Variants in CDYL observed in about 807,000 individuals in gnomAD.
The protein encoded by CDYL is chromodomain Y like.
Under a neutral mutation model 47.3 loss-of-function variants are expected in CDYL, and 8 were observed. The observed-to-expected ratio is 0.17, with a 90% CI of 0.10 to 0.31. The LOEUF is 0.31. Ranked by LOEUF, CDYL falls within the 10% of genes least tolerant of loss-of-function variation. The pLI is 1.00. For synonymous variants in CDYL, 266 were observed against 265.0 expected, an observed-to-expected ratio of 1.00 and a Z score of -0.04; for missense variants, 471 against 701.4, an observed-to-expected ratio of 0.67 and a Z score of 3.71.
At chr6:4,875,577 G>T (rs1207941660) in intron 1 of CDYL, among the ~76,000 whole-genome samples, 1 of 152,026 alleles carries the variant, frequency 6.6e-6, no homozygotes. Context: ...CTCACTTTCA[G>T]TTTACAACTA....
At chr6:4,733,337 A>T (rs955235220) in intron 2 of CDYL, 2 of 152,184 alleles carry the variant, frequency 1.3e-5, no homozygotes, top group Non-Finnish European at 2.9e-5. Flanking sequence ...CCGCCACAGC[A>T]TGGCAAAATC....
intron 1 of CDYL, among the ~76,000 whole-genome samples, chr6:4,804,657 T>C (rs1759320247): frequency 6.6e-6 from 1 of 152,206 alleles, no homozygotes; most frequent in Non-Finnish European, 1.5e-5. Flanking sequence ...ACCCTGGCAC[T>C]GTTTTTCAAA....
At chr6:4,780,974 T>C (rs1412091498) in intron 1 of CDYL, among the ~76,000 whole-genome samples, 1 of 151,304 alleles carries the variant, frequency 6.6e-6, no homozygotes, top group African/African-American at 2.4e-5. Flanking sequence ...TATGTCTTAA[T>C]AATTCCTTTT....
In CDYL at chr6:4,900,779, G is replaced by GTGTGTGTATATA; in HGVS notation, c.691+8401_691+8402insGTGTGTATATAT. On this transcript the variant is annotated intron_variant, in intron 2 of 6. Coordinates refer to ENST00000397588, the MANE Select transcript of CDYL (RefSeq NM_004824.4). ...TCTTCTGTTAATTCCGTATACGTGT[G>GTGTGTGTATATA]TATATATATATATATATATATATAT... Among the ~76,000 whole-genome samples the GTGTGTGTATATA allele has an allele frequency of 4.9e-3, 251 of 51,418 alleles. 4 individuals are homozygous for GTGTGTGTATATA. Among genetic ancestry groups the GTGTGTGTATATA allele is most frequent in the Non-Finnish European group, 7.8e-3 (187 of 23,974 alleles). 33.7% of individuals were successfully genotyped at this position (51,418 alleles called of 152,430 possible).
intron 3 of CDYL, among the ~76,000 whole-genome samples, chr6:4,768,567 T>C (rs1205226763): frequency 1.3e-5 from 2 of 152,044 alleles, no homozygotes; most frequent in Non-Finnish European, 2.9e-5. Flanking sequence ...AATCCATGAG[T>C]CTCAATTGAT....
rs777357697 is a variant in CDYL at position 4,953,960 on chromosome 6, C to T, written c.1539C>T (p.Asn513=). The change falls in exon 7 of 7, where the codon AAC becomes AAT. Residue 513 remains asparagine, a synonymous_variant. Transcript: ENST00000397588. The part of the protein sequence containing the change: ...CNMKMELEQA[N]ERECEVLKKI... Reference sequence around the variant, plus strand: ...TGAAGATGGAGCTGGAGCAGGCCAACGAGAGGGAGTGTGAGGTGCTGAAGA... The same window carrying T: ...TGAAGATGGAGCTGGAGCAGGCCAATGAGAGGGAGTGTGAGGTGCTGAAGA... 1.2e-5 allele frequency: 19 copies of T among 1,613,974 alleles called. No homozygotes were observed. The highest frequency in any genetic ancestry group is 2.2e-5 in the East Asian group (1 of 44,892).
intron 3 of CDYL, among the ~76,000 whole-genome samples, chr6:4,743,024 A>G (rs1023313146): frequency 1.3e-5 from 2 of 152,226 alleles, no homozygotes; most frequent in Non-Finnish European, 2.9e-5. Flanking sequence ...ACAGCCTAAC[A>G]CTGCGTCCAG....
chr6:4,809,363 G>A (rs565756982), intron 1 of CDYL, among the ~76,000 whole-genome samples: 2 of 152,126 alleles, frequency 1.3e-5, no homozygotes, highest in Non-Finnish European at 2.9e-5. Flanking sequence ...AATGTTTCTG[G>A]TGTTTGTAAT....
chr6:4,803,504 C>T (rs939667946), intron 1 of CDYL, among the ~76,000 whole-genome samples: 1 of 152,172 alleles, frequency 6.6e-6, no homozygotes, highest in Non-Finnish European at 1.5e-5. Flanking sequence ...AGAATTCTTT[C>T]AGGATTCTCT....
Position 4,930,364 on chromosome 6 carries a change from A to G in CDYL, c.692-5151A>G, listed in dbSNP as rs150687067. On this transcript the variant is annotated intron_variant, in intron 2 of 6. Transcript: ENST00000397588. ...CTCCTTTTCCATATCATGTCTCACA[A>G]ATTACAGCCTCCTGGGCCTCCCCCA... 9.8e-5 allele frequency among the ~76,000 whole-genome samples: 15 copies of G among 152,292 alleles called. No individual in the cohort carries two copies. The East Asian group carries it at 2.7e-3, about 27-fold the overall frequency.
intron 3 of CDYL, among the ~76,000 whole-genome samples, chr6:4,743,550 TATATTATTCAGGAA>T (rs1487050059): frequency 6.6e-6 from 1 of 152,222 alleles, no homozygotes; most frequent in Non-Finnish European, 1.5e-5. Context: ...TTGCTTGCTT[TATATTATTCAGGAA>T]ATGGCAATTT....
intron 2 of CDYL, among the ~76,000 whole-genome samples, chr6:4,719,287 T>C (rs1289087281): frequency 6.6e-6 from 1 of 152,244 alleles, no homozygotes; most frequent in Non-Finnish European, 1.5e-5. Flanking sequence ...CTCTTGTGCA[T>C]GTATCTGGGT....
chr6:4,824,262 G>A (rs1759919371), intron 1 of CDYL, among the ~76,000 whole-genome samples: 1 of 152,130 alleles, frequency 6.6e-6, no homozygotes, highest in African/African-American at 2.4e-5. Context: ...GGTCCTGTGG[G>A]TTGCATGGTG....
At chr6:4,926,477 C>T (rs1291151547) in intron 2 of CDYL, among the ~76,000 whole-genome samples, 1 of 138,480 alleles carries the variant, frequency 7.2e-6, no homozygotes, top group African/African-American at 3.0e-5. Flanking sequence ...GCAGTTGAGA[C>T]CCTTCTGCCT....
chr6:4,932,072 G>A (rs1758048328), intron 2 of CDYL, among the ~76,000 whole-genome samples: 1 of 152,202 alleles, frequency 6.6e-6, no homozygotes, highest in Admixed American at 6.5e-5. Flanking sequence ...AGAAAGGAAA[G>A]ACCCAGTGAA....
intron 3 of CDYL, among the ~76,000 whole-genome samples, chr6:4,759,023 A>G (rs898261941): frequency 1.4e-5 from 2 of 141,166 alleles, no homozygotes; most frequent in African/African-American, 5.4e-5. Context: ...GCTGGAGTGC[A>G]GTGGCACGAT....
At position 4,727,179 on chromosome 6, in the gene CDYL, G is replaced by A. The variant is rs566039708; in HGVS notation, c.104-7583G>A. Among the ~76,000 whole-genome samples, 3 of 152,278 alleles carry A rather than the reference G, an allele frequency of 2.0e-5. No homozygotes were observed. In the East Asian group the frequency reaches 5.8e-4, roughly 29 times the overall value. On this transcript the variant is annotated intron_variant, in intron 2 of 8. Coordinates refer to the CDYL transcript ENST00000328908. Reference sequence around the variant, plus strand: ...TATCTGCCAACACAAGGAATGGGGTGAAAGGAATAGGACATTCCATTGAAC... The same window carrying A: ...TATCTGCCAACACAAGGAATGGGGTAAAAGGAATAGGACATTCCATTGAAC...
chr6:4,816,376 C>G (rs1759676338), intron 1 of CDYL, among the ~76,000 whole-genome samples: 1 of 151,752 alleles, frequency 6.6e-6, no homozygotes, highest in Non-Finnish European at 1.5e-5. Flanking sequence ...ATACAAATAG[C>G]CCCAAGAAAC....
At chr6:4,923,967 TC>T (rs1364087921) in intron 2 of CDYL, among the ~76,000 whole-genome samples, 1 of 151,362 alleles carries the variant, frequency 6.6e-6, no homozygotes, top group Admixed American at 6.6e-5. Context: ...TTTTTAGAAG[TC>T]CCCTGGCAAT....
Sources: allele counts gnomAD v4.1 joint callset (sites outside exome capture counted in the v4.1 genomes callset), GRCh38; gene constraint gnomAD v4.1.1; transcripts MANE v1.5; gene names NCBI Gene and HGNC (gene_info 2026-07-23, HGNC 2026-07-21).